Variants in GPHA2 observed in about 807,000 individuals in gnomAD.
GPHA2 encodes glycoprotein hormone alpha-2.
In GPHA2, 12 loss-of-function variants were observed where a neutral mutation model predicts 15.3. That is an observed-to-expected ratio of 0.78 (90% CI 0.50 to 1.27). The LOEUF (loss-of-function observed/expected upper bound fraction) is 1.27, where lower values mean the gene tolerates loss of function less well. GPHA2 is among the 50% of genes most tolerant of loss of function. GPHA2 has a pLI of 0.00. For missense variants in GPHA2, 156 were observed against 169.5 expected (o/e 0.92, Z 0.44); for synonymous variants, 61 against 66.8 (o/e 0.91, Z 0.42).
upstream of GPHA2, among the ~76,000 whole-genome samples, chr11:64,936,166 G>T (rs1167636499): frequency 6.6e-6 from 1 of 152,182 alleles, no homozygotes; most frequent in Non-Finnish European, 1.5e-5. Flanking sequence ...TGCAGCTGAC[G>T]ACACAGGGGT....
chr11:64,935,672 G>C, intron 1 of GPHA2, 162 bp downstream of exon 1: 1 of 487,614 alleles, frequency 2.1e-6, no homozygotes, highest in Non-Finnish European at 3.6e-6. Flanking sequence ...GAAAGGACCT[G>C]TGTGTCAGCC....
Position 64,935,409 on chromosome 11 carries a change from C to T in GPHA2, c.52G>A (p.Val18Ile). 6.2e-7 allele frequency: 1 copy of T among 1,609,938 alleles called. No homozygotes were observed. The highest frequency in any genetic ancestry group is 8.5e-7 in the Non-Finnish European group (1 of 1,178,400). Reference sequence around the variant, plus strand: ...GCCTCCTGGCCCCAGGCTTCAGTGACTGCCAGGACCAGCAGATAGAGGACC... The same window carrying T: ...GCCTCCTGGCCCCAGGCTTCAGTGATTGCCAGGACCAGCAGATAGAGGACC... ...TLVLYLLVLA[V>I]TEAWGQEAVI... is the part of the protein sequence containing the mutation. The change falls in exon 2 of 4, where the codon GTC becomes ATC. Residue 18 changes from valine to isoleucine, a missense_variant. By Grantham distance (29) the Val-to-Ile change is conservative (BLOSUM62 3). Transcript: ENST00000279168.
rs764305608 is a variant in GPHA2, at chr11:64,934,790, G to A, written c.373C>T (p.Arg125Cys). ...TARACQCDMC[R>C]LSRY is the part of the protein sequence containing the mutation. ...AGGATGGGCTAGTAGCGAGAGAGGC[G>A]ACACATGTCACACTGGCAGGCCCTG... Residue 125 changes from arginine to cysteine, a missense_variant, in exon 4 of 4, where the codon CGC (arginine) becomes TGC (cysteine). Physicochemically the swap from Arg to Cys is radical, Grantham distance 180. Transcript: ENST00000279168. The A allele has an allele frequency of 2.2e-5, 36 of 1,613,830 alleles. No individual in the cohort carries two copies. The East Asian group carries it at 4.9e-4, about 22-fold the overall frequency.
At chr11:64,935,218 G>A in intron 2 of GPHA2, 43 bp from the exon 3 acceptor site, 1 of 1,570,654 alleles carries the variant, frequency 6.4e-7, no homozygotes, top group South Asian at 1.1e-5. Context: ...CTCTGCCAAG[G>A]TTTGCCTCGC....
upstream of GPHA2, among the ~76,000 whole-genome samples, chr11:64,936,804 A>G (rs975612891): frequency 1.3e-5 from 2 of 152,114 alleles, no homozygotes; most frequent in African/African-American, 2.4e-5. Context: ...TGTGCTACAG[A>G]GTAACGTTCT....
rs770756859 is a variant in GPHA2 at position 64,935,034 on chromosome 11, ATGT to A, written c.242_244del (p.Asn81del). On this transcript the variant is annotated inframe_deletion, in exon 3 of 4. Transcript: ENST00000279168. Reference sequence around the variant, plus strand: ...GGTGCAGCACTGAGAGACGGAGGTGATGTTGTGTCGGTAACCACTGGCCACCAG... The same window carrying A: ...GGTGCAGCACTGAGAGACGGAGGTGATGTGTCGGTAACCACTGGCCACCAG... The A allele has an allele frequency of 3.7e-6, 6 of 1,613,728 alleles. No individual in the cohort carries two copies. The highest frequency in any genetic ancestry group is 3.3e-5 in the Admixed American group (2 of 59,978).
chr11:64,935,144 T>A lies in GPHA2; in HGVS notation c.135A>T (p.Gln45His), dbSNP rs1945278729. Reference protein sequence around the residue: ...PFNVTVRSDRQGTCQGSHVAQ... With the variant: ...PFNVTVRSDRHGTCQGSHVAQ... Reference sequence around the variant, plus strand: ...CCACGTGGGAGCCCTGGCAGGTGCCTTGGCGGTCACTTCGCACTGTCACAT... The same window carrying A: ...CCACGTGGGAGCCCTGGCAGGTGCCATGGCGGTCACTTCGCACTGTCACAT... Residue 45 changes from glutamine to histidine, a missense_variant, in exon 3 of 4, where the codon CAA becomes CAT. By Grantham distance (24) the Gln-to-His change is conservative. Transcript: ENST00000279168. 5.0e-6 allele frequency: 8 copies of A among 1,613,700 alleles called. No individual in the cohort carries two copies. The highest frequency in any genetic ancestry group is 6.8e-6 in the Non-Finnish European group (8 of 1,179,932).
At position 64,935,406 on chromosome 11, in the gene GPHA2, T is replaced by A; in HGVS notation, c.55A>T (p.Thr19Ser). The change falls in exon 2 of 4, where the codon ACT becomes TCT. Residue 19 changes from threonine (T) to serine (S), a missense_variant. Coordinates refer to ENST00000279168, the MANE Select transcript of GPHA2 (RefSeq NM_130769.4). ...ACTGCCTCCTGGCCCCAGGCTTCAG[T>A]GACTGCCAGGACCAGCAGATAGAGG... ...LVLYLLVLAVTEAWGQEAVIP... is the reference protein window; with the variant it reads ...LVLYLLVLAVSEAWGQEAVIP... 1 of 1,609,704 alleles carries A rather than the reference T, an allele frequency of 6.2e-7. No homozygotes were observed. The highest frequency in any genetic ancestry group is 8.5e-7 in the Non-Finnish European group (1 of 1,178,364).
chr11:64,934,490 ATTTAGGG>A lies in GPHA2; in HGVS notation c.*276_*282del. 3.8e-6 allele frequency: 2 copies of A among 528,674 alleles called. No individual in the cohort carries two copies. Among genetic ancestry groups the A allele is most frequent in the Non-Finnish European group, 3.4e-6 (1 of 293,406 alleles). The allele number at this position is 528,674 out of a possible 1,614,324, so 32.7% of individuals were successfully genotyped here. ...GAGAAATTCAAGAACTGCTTGCTTT[ATTTAGGG>A]GTAAGGGCAAAGAGGGAAGTAAAAT... On this transcript the variant is annotated 3_prime_UTR_variant, in exon 4 of 4. Transcript: ENST00000279168.
chr11:64,935,975 T>TC (rs1307248520), upstream of GPHA2: 3 of 152,446 alleles, frequency 2.0e-5, no homozygotes, highest in African/African-American at 7.2e-5. Flanking sequence ...CAAACCAGCC[T>TC]CCCCTGCCTG....
chr11:64,935,611 TTGTGTGTGTGTGTG>T, intron 1 of GPHA2, 151 bp from the exon 2 acceptor site: 1 of 561,274 alleles, frequency 1.8e-6, no homozygotes, highest in Non-Finnish European at 3.2e-6. Flanking sequence ...GTATCTGCCT[TTGTGTGTGTGTGTG>T]TGTGTGTATG....
chr11:64,935,632 T>A (rs749495282), intron 1 of GPHA2, 172 bp from the exon 2 acceptor site: 2 of 550,350 alleles, frequency 3.6e-6, no homozygotes, highest in Non-Finnish European at 6.5e-6. Flanking sequence ...TGTGTGTGTG[T>A]ATGGGTGTGA....
Position 64,934,971 on chromosome 11 carries a change from CG to C in GPHA2, c.288+19del, listed in dbSNP as rs1945275930. The C allele has an allele frequency of 7.4e-6, 12 of 1,613,734 alleles. No homozygotes were observed. In the East Asian group the frequency reaches 2.7e-4, roughly 36 times the overall value. On this transcript the variant is annotated intron_variant, in intron 3 of 3. Coordinates refer to ENST00000279168, the MANE Select transcript of GPHA2 (RefSeq NM_130769.4). ...TCCCGCGACCCCAGCGTCCATCCAC[CG>C]GGCCCGGGCCCTCCTCACCTTCTTC...
Position 64,934,830 on chromosome 11 carries a change from G to T in GPHA2, c.333C>A (p.Leu111=), listed in dbSNP as rs144774918. Residue 111 remains leucine, a synonymous_variant, in exon 4 of 4, where the codon CTC becomes CTA. Transcript: ENST00000279168. ...GGCAGGCCCTGGCCGTGAAGATCTC[G>T]AGCTCCTCCCTCCGGCTCCCCACAC... The part of the protein sequence containing the change: ...LQCVGSRREE[L]EIFTARACQC... 2.4e-5 allele frequency: 39 copies of T among 1,613,336 alleles called. No homozygotes were observed. Among genetic ancestry groups the T allele is most frequent in the Non-Finnish European group, 3.1e-5 (36 of 1,179,764 alleles).
rs1255744779 is a variant in GPHA2, at chr11:64,935,838, T to TCCGTC, written c.-6_-5insGACGG. 15 of 168,752 alleles carry TCCGTC rather than the reference T, an allele frequency of 8.9e-5. No individual in the cohort carries two copies. Among genetic ancestry groups the TCCGTC allele is most frequent in the Non-Finnish European group, 1.8e-4 (14 of 79,046 alleles). The allele number at this position is 168,752 out of a possible 1,614,324, so 10.5% of individuals were successfully genotyped here. A position where few individuals can be genotyped will look rare whatever the true frequency, so the allele number is the denominator to read the frequency against. ...CTCCTGCCTCAGCGAGCTCACCACT[T>TCCGTC]CCGAGGCCCAGGAACAGAGCGGCTT... On this transcript the variant is annotated 5_prime_UTR_variant, in exon 1 of 4. Coordinates refer to ENST00000279168, the MANE Select transcript of GPHA2 (RefSeq NM_130769.4).
rs994168862 is a variant in GPHA2, at chr11:64,935,036, G to A, written c.243C>T (p.Asn81=). 4 of 1,613,994 alleles carry A rather than the reference G, an allele frequency of 2.5e-6. No individual in the cohort carries two copies. In the African/African-American group the frequency reaches 4.0e-5, roughly 16 times the overall value. ...SVLVASGYRH[N]ITSVSQCCTI... ...TGCAGCACTGAGAGACGGAGGTGAT[G>A]TTGTGTCGGTAACCACTGGCCACCA... The change falls in exon 3 of 4, where the codon AAC becomes AAT. Residue 81 remains asparagine (N), a synonymous_variant. Coordinates refer to ENST00000279168, the MANE Select transcript of GPHA2 (RefSeq NM_130769.4).
Position 64,934,553 on chromosome 11 carries a change from G to A in GPHA2, c.*220C>T. The A allele has an allele frequency of 1.7e-6, 1 of 598,394 alleles. No homozygotes were observed. The highest frequency in any genetic ancestry group is 2.8e-5 in the East Asian group (1 of 36,096). 37.1% of individuals were successfully genotyped at this position (598,394 alleles called of 1,614,324 possible). A position where few individuals can be genotyped will look rare whatever the true frequency, so the allele number is the denominator to read the frequency against. ...AAGATTGGTTTAGAAGGGCCAGGCA[G>A]AGGCAGGGAAGAAGCAGAAACTCCC... On this transcript the variant is annotated 3_prime_UTR_variant, in exon 4 of 4. Transcript: ENST00000279168.
rs201412139 is a variant in GPHA2 at position 64,934,844 on chromosome 11, G to A, written c.319C>T (p.Arg107Trp). ...GTGAAGATCTCGAGCTCCTCCCTCC[G>A]GCTCCCCACACACTGCAGCTGTACT... ...VKVQLQCVGS[R>W]REELEIFTAR... Residue 107 changes from arginine to tryptophan, a missense_variant, in exon 4 of 4, where the codon CGG (arginine) becomes TGG (tryptophan). Arg to Trp is a moderately radical substitution (Grantham distance 101, BLOSUM62 -3). Coordinates refer to ENST00000279168, the MANE Select transcript of GPHA2 (RefSeq NM_130769.4). 2.5e-5 allele frequency: 40 copies of A among 1,598,560 alleles called. No homozygotes were observed. The highest frequency in any genetic ancestry group is 1.2e-4 in the South Asian group (11 of 89,700).
upstream of GPHA2, among the ~76,000 whole-genome samples, chr11:64,936,616 C>T (rs1316974405): frequency 6.6e-6 from 1 of 152,066 alleles, no homozygotes; most frequent in Non-Finnish European, 1.5e-5. Flanking sequence ...TAAACTCAGT[C>T]CTGCTTGCCT....
Sources: allele counts gnomAD v4.1 joint callset (sites outside exome capture counted in the v4.1 genomes callset), GRCh38; gene constraint gnomAD v4.1.1; transcripts MANE v1.5; gene names NCBI Gene and HGNC (gene_info 2026-07-23, HGNC 2026-07-21).